NRG1: variants seen among roughly 807,000 people sequenced by gnomAD.
NRG1 encodes neuregulin 1, also known as pro-neuregulin-1, membrane-bound isoform.
Under a neutral mutation model 63.8 loss-of-function variants are expected in NRG1, and 18 were observed. That is an observed-to-expected ratio of 0.28 (90% CI 0.19 to 0.42). The LOEUF (loss-of-function observed/expected upper bound fraction) is 0.42, where lower values mean the gene tolerates loss of function less well. Among genes scored for constraint, NRG1 ranks in the 10% least tolerant of loss-of-function variants. The pLI is 1.00. For synonymous variants in NRG1, 302 were observed against 301.3 expected, an observed-to-expected ratio of 1.00 and a Z score of -0.02; for missense variants, 762 against 814.7, an observed-to-expected ratio of 0.94 and a Z score of 0.79.
chr8:32,771,655 A>G (rs1189662624), downstream of NRG1, among the ~76,000 whole-genome samples: 1 of 145,336 alleles, frequency 6.9e-6, no homozygotes, highest in Non-Finnish European at 1.5e-5. Context: ...TCGACAGTAT[A>G]TCTGTTTGTC....
chr8:32,337,409 A>G (rs1156907312), intron 1 of NRG1, among the ~76,000 whole-genome samples: 1 of 152,034 alleles, frequency 6.6e-6, no homozygotes, highest in Non-Finnish European at 1.5e-5. Context: ...GGGATTATGT[A>G]AGTACCACTA....
chr8:32,133,434 A>G (rs1308557901), intron 1 of NRG1, among the ~76,000 whole-genome samples: 5 of 152,142 alleles, frequency 3.3e-5, no homozygotes, highest in African/African-American at 4.8e-5. Flanking sequence ...GTTACAAGAA[A>G]GAAAATGACA....
intron 1 of NRG1, among the ~76,000 whole-genome samples, chr8:32,449,165 T>C (rs1054372638): frequency 1.3e-5 from 2 of 151,944 alleles, no homozygotes; most frequent in Non-Finnish European, 2.9e-5. Flanking sequence ...GGCATGGTGG[T>C]GCATGCCTGC....
At chr8:32,149,863 T>C (rs1837307018) in intron 1 of NRG1, among the ~76,000 whole-genome samples, 1 of 152,230 alleles carries the variant, frequency 6.6e-6, no homozygotes, top group South Asian at 2.1e-4. Flanking sequence ...TGTCCGCTGT[T>C]GTACAACCTT....
chr8:32,657,325 G>C (rs572409733), intron 5 of NRG1, among the ~76,000 whole-genome samples: 1 of 151,814 alleles, frequency 6.6e-6, no homozygotes, highest in African/African-American at 2.4e-5. Flanking sequence ...GCCATTCACA[G>C]TTACTCTTCT....
Position 31,882,329 on chromosome 8 carries a change from TAA to T in NRG1, c.37+242923_37+242924del, listed in dbSNP as rs745615085. ...CTGTTGAGACTTACTGCTCAAAAAC[TAA>T]AAAAAAAAAAAAAAAAAAAAAAAAT... On this transcript the variant is annotated intron_variant, in intron 1 of 10. Coordinates refer to the NRG1 transcript ENST00000519301. 2.0e-3 allele frequency among the ~76,000 whole-genome samples: 160 copies of T among 79,816 alleles called. 1 individual carries two copies. Among genetic ancestry groups the T allele is most frequent in the South Asian group, 7.2e-3 (15 of 2,086 alleles). 52.4% of individuals were successfully genotyped at this position (79,816 alleles called of 152,430 possible). A position where few individuals can be genotyped will look rare whatever the true frequency, so the allele number is the denominator to read the frequency against.
intron 5 of NRG1, among the ~76,000 whole-genome samples, chr8:32,712,978 G>A (rs1161241532): frequency 6.6e-6 from 1 of 152,092 alleles, no homozygotes; most frequent in Admixed American, 6.5e-5. Flanking sequence ...TGTGAAAATG[G>A]TCAGCTTTGT....
intron 1 of NRG1, among the ~76,000 whole-genome samples, chr8:32,151,007 G>A (rs1358699787): frequency 6.6e-6 from 1 of 152,156 alleles, no homozygotes; most frequent in Non-Finnish European, 1.5e-5. Context: ...AACTAGGATA[G>A]GGGCCAGAAA....
intron 1 of NRG1, among the ~76,000 whole-genome samples, chr8:32,036,396 G>A (rs1819065829): frequency 6.6e-6 from 1 of 152,046 alleles, no homozygotes; most frequent in South Asian, 2.1e-4. Context: ...AGAATCTAAT[G>A]ACTATGTGTC....
At chr8:32,293,107 TATAAAATAAA>T (rs74809250) in intron 1 of NRG1, among the ~76,000 whole-genome samples, 4 of 150,576 alleles carry the variant, frequency 2.7e-5, no homozygotes, top group Non-Finnish European at 5.9e-5. Flanking sequence ...ACGTCTAAAA[TATAAAATAAA>T]ATAAAATAAA....
intron 1 of NRG1, among the ~76,000 whole-genome samples, chr8:32,563,941 C>A (rs564198529): frequency 1.8e-4 from 27 of 152,236 alleles, no homozygotes; most frequent in African/African-American, 6.3e-4. Context: ...CTTAAACTTT[C>A]TATTACTAAG....
intron 1 of NRG1, among the ~76,000 whole-genome samples, chr8:32,305,877 A>C (rs565130240): frequency 2.0e-5 from 3 of 152,328 alleles, no homozygotes; most frequent in African/African-American, 7.2e-5. Flanking sequence ...TGTATAGTAA[A>C]AAAATCATGA....
intron 1 of NRG1, among the ~76,000 whole-genome samples, chr8:32,092,667 A>G (rs1360476301): frequency 6.6e-6 from 1 of 151,940 alleles, no homozygotes; most frequent in Non-Finnish European, 1.5e-5. Flanking sequence ...CATGTTCAGC[A>G]CCAGATGTTT....
intron 1 of NRG1, among the ~76,000 whole-genome samples, chr8:31,823,587 C>G (rs753578360): frequency 6.6e-6 from 1 of 152,240 alleles, no homozygotes; most frequent in Middle Eastern, 3.4e-3. Flanking sequence ...CTTGAAGTTT[C>G]CAGCAGATTT....
At chr8:32,506,499 C>A (rs907453981) in intron 1 of NRG1, among the ~76,000 whole-genome samples, 12 of 152,094 alleles carry the variant, frequency 7.9e-5, no homozygotes, top group African/African-American at 2.7e-4. Context: ...ACAAACAACA[C>A]AAAAGACAGA....
At chr8:32,025,269 A>G (rs1319984266) in intron 1 of NRG1, among the ~76,000 whole-genome samples, 1 of 152,186 alleles carries the variant, frequency 6.6e-6, no homozygotes, top group Non-Finnish European at 1.5e-5. Context: ...AACAATTAAA[A>G]CAATGCATCA....
chr8:32,749,657 A>C, intron 7 of NRG1: 1 of 1,439,068 alleles, frequency 6.9e-7, no homozygotes, highest in Non-Finnish European at 9.6e-7. Context: ...TTCCCTTCCT[A>C]CTCTTACCTT....
intron 1 of NRG1, among the ~76,000 whole-genome samples, chr8:32,380,817 T>G (rs900817269): frequency 4.6e-5 from 7 of 152,242 alleles, no homozygotes; most frequent in African/African-American, 1.7e-4. Flanking sequence ...GGGGTACATG[T>G]GATAATTTAA....
intron 1 of NRG1, among the ~76,000 whole-genome samples, chr8:32,259,377 G>A (rs1850106863): frequency 6.6e-6 from 1 of 152,128 alleles, no homozygotes; most frequent in Admixed American, 6.5e-5. Flanking sequence ...TATTGTGGGA[G>A]AGGGTTCCTG....
Sources: allele counts gnomAD v4.1 joint callset (sites outside exome capture counted in the v4.1 genomes callset), GRCh38; gene constraint gnomAD v4.1.1; transcripts MANE v1.5; gene names NCBI Gene and HGNC (gene_info 2026-07-23, HGNC 2026-07-21).